The following MYT1 variants were observed in gnomAD, a reference collection of about 807,000 sequenced individuals.
MYT1 encodes myelin transcription factor I.
MYT1 carries 23 observed loss-of-function variants against 123.0 expected under a neutral mutation model. The ratio of observed to expected loss-of-function variants is 0.19; its 90% CI spans 0.13 to 0.26. The LOEUF (loss-of-function observed/expected upper bound fraction) is 0.26. Among genes scored for constraint, MYT1 ranks in the 10% least tolerant of loss-of-function variants. The pLI, the probability that MYT1 is intolerant of heterozygous loss-of-function variation, is 1.00. For missense variants in MYT1, 1,125 were observed against 1,472.5 expected (o/e 0.76, Z 3.86); for synonymous variants, 518 against 575.3 (o/e 0.90, Z 1.43).
rs1983464717 is a variant in MYT1 at position 64,205,571 on chromosome 20, G to A, written c.168G>A (p.Leu56=). 19 of 1,614,084 alleles carry A rather than the reference G, an allele frequency of 1.2e-5. No homozygotes were observed. Among genetic ancestry groups the A allele is most frequent in the Non-Finnish European group, 1.6e-5 (19 of 1,180,028 alleles). The change falls in exon 6 of 23, where the codon CTG becomes CTA. Residue 56 remains leucine (L), a synonymous_variant. Transcript: ENST00000328439. ...SRHRSLQSCP[L]AKKRKLEGAE... is the part of the protein sequence containing the mutation. The stretch of plus-strand genomic sequence containing the variant: ...CTCCCAGTTTACAGAGCTGCCCCCT[G>A]GCCAAGAAGAGGAAGCTGGAGGGCG...
At chr20:64,211,581 G>A (rs959627163) in intron 8 of MYT1, among the ~76,000 whole-genome samples, 3 of 152,240 alleles carry the variant, frequency 2.0e-5, no homozygotes, top group Non-Finnish European at 4.4e-5. Context: ...ACGCCAGTCC[G>A]GGTCAGAGCC....
chr20:64,211,746 T>C (rs1205442588), intron 8 of MYT1, among the ~76,000 whole-genome samples: 1 of 152,194 alleles, frequency 6.6e-6, no homozygotes, highest in Non-Finnish European at 1.5e-5. Flanking sequence ...AAATTAAATT[T>C]AAAGGAGCAA....
chr20:64,233,969 G>A (rs1438040856), intron 19 of MYT1, among the ~76,000 whole-genome samples: 1 of 152,226 alleles, frequency 6.6e-6, no homozygotes, highest in African/African-American at 2.4e-5. Context: ...GTGAGTGAGG[G>A]CCCTGGCAGA....
chr20:64,193,798 C>T lies in MYT1; in HGVS notation c.-1+3638C>T, dbSNP rs566779329. Among the ~76,000 whole-genome samples, 9 of 152,260 alleles carry T rather than the reference C, an allele frequency of 5.9e-5. No individual in the cohort carries two copies. The South Asian group carries it at 6.2e-4, about 11-fold the overall frequency. ...TATGCAAGAGGCTCAACCGTCCCACCGAGACACTATAACCTATGTAATTTT... is the reference window on the plus strand; with the variant it reads ...TATGCAAGAGGCTCAACCGTCCCACTGAGACACTATAACCTATGTAATTTT... On this transcript the variant is annotated intron_variant, in intron 2 of 22. Transcript: ENST00000328439. This position sits in a 1 kb window ranked among gnomAD's most constrained non-coding sequence, Gnocchi z 4.0.
Position 64,219,791 on chromosome 20 carries a change from C to T in MYT1, c.2050C>T (p.Pro684Ser), listed in dbSNP as rs1366542477. 1 of 1,614,086 alleles carries T rather than the reference C, an allele frequency of 6.2e-7. No individual in the cohort carries two copies. Among genetic ancestry groups the T allele is most frequent in the Admixed American group, 1.7e-5 (1 of 60,016 alleles). Residue 684 changes from proline (P) to serine (S), a missense_variant, in exon 13 of 23, where the codon CCC becomes TCC. By Grantham distance (74) the Pro-to-Ser change is moderately conservative. This residue lies in a region of MYT1 where 429 missense variants were observed against 604.1 expected (regional missense o/e 0.71). Transcript: ENST00000328439. ...ACACCGCAAACGAGAAAATGCTTTC[C>T]CCAGCAGCAGCAGCTGCAGCAGCAG... ...HKHRKRENAF[P>S]SSSSCSSSPG...
rs1982099609 is a variant in MYT1, at chr20:64,166,911, G to A, written c.-99+2172G>A. On this transcript the variant is annotated intron_variant, in intron 1 of 22. Coordinates refer to ENST00000328439, the MANE Select transcript of MYT1 (RefSeq NM_004535.3). The surrounding 1 kb of genome is among the most constrained non-coding windows in gnomAD (Gnocchi z 4.9). ...GGGCAGCTCTGGCAGCTGACCAACG[G>A]CAGCCTGGATGGTGGCTGGAGCTTG... 1.3e-5 allele frequency among the ~76,000 whole-genome samples: 2 copies of A among 152,194 alleles called. No homozygotes were observed.
At chr20:64,238,379 G>T (rs914198453) in intron 21 of MYT1, among the ~76,000 whole-genome samples, 1 of 151,338 alleles carries the variant, frequency 6.6e-6, no homozygotes, top group African/African-American at 2.4e-5. Context: ...CTCTGCTCTT[G>T]TCTCTACTGG....
At chr20:64,216,548 G>A (rs1481071784) in intron 10 of MYT1, among the ~76,000 whole-genome samples, 1 of 152,222 alleles carries the variant, frequency 6.6e-6, no homozygotes, top group African/African-American at 2.4e-5. Flanking sequence ...AATGAAGAAG[G>A]GTCAGGCCTG....
At chr20:64,228,200 A>C (rs565058667) in intron 18 of MYT1, 1 of 551,704 alleles carries the variant, frequency 1.8e-6, no homozygotes, top group Non-Finnish European at 3.2e-6. Flanking sequence ...CATGGGTGCC[A>C]GATTTTCTGG....
At chr20:64,220,380 C>T (rs1983966051) in intron 13 of MYT1, among the ~76,000 whole-genome samples, 1 of 152,208 alleles carries the variant, frequency 6.6e-6, no homozygotes, top group African/African-American at 2.4e-5. Context: ...GCAGAGCTAA[C>T]CTGCTGTCCG....
At chr20:64,211,405 T>C (rs550126456) in intron 8 of MYT1, 65 bp downstream of exon 8, 178 of 1,538,532 alleles carry the variant, frequency 1.2e-4, no homozygotes, top group Non-Finnish European at 1.5e-4. Context: ...GGTGTTTGGG[T>C]GGTGTCTATG....
intron 8 of MYT1, among the ~76,000 whole-genome samples, chr20:64,211,821 G>A (rs1983675243): frequency 6.6e-6 from 1 of 152,210 alleles, no homozygotes; most frequent in Admixed American, 6.5e-5. Context: ...GACCACAGTG[G>A]TGGTGGCGGT....
chr20:64,223,203 T>C, intron 15 of MYT1, 30 bp downstream of exon 15: 1 of 1,614,162 alleles, frequency 6.2e-7, no homozygotes, highest in Non-Finnish European at 8.5e-7. Context: ...CCGTCTGGCC[T>C]GGGTGCTTCG....
intron 5 of MYT1, 67 bp from the exon 6 acceptor site, chr20:64,205,486 C>T: frequency 1.3e-6 from 2 of 1,584,360 alleles, no homozygotes; most frequent in African/African-American, 1.3e-5. Context: ...GGGAGGGGCT[C>T]ATGGGGTGTC....
intron 20 of MYT1, among the ~76,000 whole-genome samples, 157 bp downstream of exon 20, chr20:64,236,803 C>G (rs917677663): frequency 1.3e-5 from 2 of 152,128 alleles, no homozygotes; most frequent in African/African-American, 4.8e-5. Context: ...AGCTGACAGC[C>G]TTTCGGACCT....
At position 64,167,416 on chromosome 20, in the gene MYT1, A is replaced by T. The variant is rs1189673304; in HGVS notation, c.-99+2677A>T. 1.3e-5 allele frequency among the ~76,000 whole-genome samples: 2 copies of T among 152,096 alleles called. No homozygotes were observed. Among genetic ancestry groups the T allele is most frequent in the Non-Finnish European group, 2.9e-5 (2 of 68,018 alleles). On this transcript the variant is annotated intron_variant, in intron 1 of 22. Coordinates refer to ENST00000328439, the MANE Select transcript of MYT1 (RefSeq NM_004535.3). The surrounding 1 kb of genome is among the most constrained non-coding windows in gnomAD (Gnocchi z 6.3). The stretch of plus-strand genomic sequence containing the variant: ...GGATGAGACCGGGAACAACCAGAAC[A>T]CTTTGGTCAGCACCGGGCCTGGAGT...
intron 10 of MYT1, 113 bp from the exon 11 acceptor site, chr20:64,216,954 C>A: frequency 2.0e-6 from 2 of 986,338 alleles, no homozygotes; most frequent in Non-Finnish European, 3.1e-6. Flanking sequence ...GAGTCTCCTT[C>A]CTCACCAGAC....
At chr20:64,239,636 C>G in intron 21 of MYT1, 124 bp from the exon 22 acceptor site, 1 of 1,413,468 alleles carries the variant, frequency 7.1e-7, no homozygotes, top group South Asian at 1.3e-5. Context: ...GGCAGGGTCC[C>G]TGCCTCTTCC....
At chr20:64,169,639 T>C (rs1327620206) in intron 1 of MYT1, among the ~76,000 whole-genome samples, 2 of 152,140 alleles carry the variant, frequency 1.3e-5, no homozygotes, top group Non-Finnish European at 1.5e-5. Flanking sequence ...GCATGTGGGA[T>C]TGTGCTCACC....
Sources: allele counts gnomAD v4.1 joint callset (sites outside exome capture counted in the v4.1 genomes callset), GRCh38; gene constraint gnomAD v4.1.1; regional missense constraint gnomAD v4.1.1; non-coding constraint Gnocchi (gnomAD v3.1); transcripts MANE v1.5; gene names NCBI Gene and HGNC (gene_info 2026-07-23, HGNC 2026-07-21).